The following ERBB4 variants were observed in gnomAD, a reference collection of about 807,000 sequenced individuals.
The protein encoded by ERBB4 is erb-b2 receptor tyrosine kinase 4, also known as receptor tyrosine-protein kinase erbB-4.
A neutral mutation model predicts 158.0 loss-of-function variants in ERBB4; 42 were observed. The observed-to-expected ratio is 0.27, with a 90% CI of 0.21 to 0.34. The LOEUF (loss-of-function observed/expected upper bound fraction) is 0.34, where lower values mean the gene tolerates loss of function less well. Among genes scored for constraint, ERBB4 ranks in the 10% least tolerant of loss-of-function variants. ERBB4 has a pLI of 1.00. For missense variants in ERBB4, 1,333 were observed against 1,624.1 expected (o/e 0.82, Z 3.08); for synonymous variants, 583 against 558.7 (o/e 1.04, Z -0.61).
intron 1 of ERBB4, among the ~76,000 whole-genome samples, chr2:212,328,170 G>A (rs945873291): frequency 8.6e-5 from 13 of 151,958 alleles, no homozygotes; most frequent in African/African-American, 3.1e-4. Flanking sequence ...CTTCAATCAT[G>A]TTTGGAACCT....
chr2:212,125,126 T>C (rs112373109), intron 1 of ERBB4: 10 of 545,224 alleles, frequency 1.8e-5, no homozygotes, highest in Admixed American at 1.5e-4. Flanking sequence ...AAGGCATAGA[T>C]TCCACAGAAA....
intron 2 of ERBB4, among the ~76,000 whole-genome samples, chr2:212,080,093 CACAAGGTCAAGAGATCGAGACCA>C (rs2078391085): frequency 6.6e-6 from 1 of 151,884 alleles, no homozygotes; most frequent in Non-Finnish European, 1.5e-5. Flanking sequence ...TTTGGTGGAT[CACAAGGTCAAGAGATCGAGACCA>C]ACCTGGCCAA....
intron 1 of ERBB4, among the ~76,000 whole-genome samples, chr2:212,257,683 G>A (rs545665318): frequency 1.2e-3 from 181 of 152,188 alleles, no homozygotes; most frequent in Non-Finnish European, 2.0e-3. Context: ...CTCTAAATGC[G>A]ATGTCACGTG....
intron 1 of ERBB4, among the ~76,000 whole-genome samples, chr2:212,223,429 T>TA (rs1559782962): frequency 8.0e-5 from 3 of 37,428 alleles, no homozygotes; most frequent in African/African-American, 3.6e-4. Flanking sequence ...ATATATATAT[T>TA]TTTTTTATTT....
intron 1 of ERBB4, among the ~76,000 whole-genome samples, chr2:212,391,255 A>G (rs1387373258): frequency 6.6e-6 from 1 of 151,722 alleles, no homozygotes; most frequent in Non-Finnish European, 1.5e-5. Flanking sequence ...GAACAATAAT[A>G]AGTTTTATGA....
intron 16 of ERBB4, among the ~76,000 whole-genome samples, chr2:211,643,603 A>G (rs986749669): frequency 6.6e-6 from 1 of 152,070 alleles, no homozygotes; most frequent in Non-Finnish European, 1.5e-5. Flanking sequence ...TTGCATTTTT[A>G]AAAACATAAA....
intron 1 of ERBB4, among the ~76,000 whole-genome samples, chr2:212,262,232 G>A (rs1376694967): frequency 5.9e-5 from 9 of 151,962 alleles, no homozygotes; most frequent in Non-Finnish European, 8.8e-5. Context: ...ACCTATTATC[G>A]GTTATTTTGT....
chr2:211,398,607 C>T (rs1265997824), intron 25 of ERBB4, among the ~76,000 whole-genome samples: 1 of 152,092 alleles, frequency 6.6e-6, no homozygotes, highest in Non-Finnish European at 1.5e-5. Context: ...CTTTGGGAGG[C>T]CGAGGCGGGC....
intron 20 of ERBB4, among the ~76,000 whole-genome samples, chr2:211,519,186 C>T (rs1360148632): frequency 6.6e-6 from 1 of 152,058 alleles, no homozygotes; most frequent in African/African-American, 2.4e-5. Flanking sequence ...TGAAAGAATG[C>T]TGTATAAATT....
At chr2:211,901,100 G>A (rs1243945533) in intron 3 of ERBB4, among the ~76,000 whole-genome samples, 1 of 152,078 alleles carries the variant, frequency 6.6e-6, no homozygotes, top group African/African-American at 2.4e-5. Context: ...ATTTGGACAT[G>A]TAAATAAATG....
At chr2:211,875,730 A>T (rs569757366) in intron 3 of ERBB4, among the ~76,000 whole-genome samples, 2 of 152,324 alleles carry the variant, frequency 1.3e-5, no homozygotes, top group African/African-American at 4.8e-5. Context: ...CTTATCCAGA[A>T]CAACCACCAG....
At chr2:212,483,808 C>G (rs1689835752) in intron 1 of ERBB4, among the ~76,000 whole-genome samples, 1 of 152,194 alleles carries the variant, frequency 6.6e-6, no homozygotes, top group African/African-American at 2.4e-5. Context: ...GCGATCTCAG[C>G]TCACTGCAAG....
intron 2 of ERBB4, among the ~76,000 whole-genome samples, chr2:212,077,668 G>C (rs1490401828): frequency 6.6e-6 from 1 of 151,934 alleles, no homozygotes; most frequent in Non-Finnish European, 1.5e-5. Context: ...AAGGCAAGCA[G>C]GGGACTTAAG....
chr2:212,531,995 A>G (rs1196044084), intron 1 of ERBB4, among the ~76,000 whole-genome samples: 1 of 152,234 alleles, frequency 6.6e-6, no homozygotes, highest in Non-Finnish European at 1.5e-5. Context: ...TCTTTTAGAA[A>G]GAACTACACA....
At chr2:211,676,745 A>G (rs2072091163) in intron 13 of ERBB4, among the ~76,000 whole-genome samples, 1 of 152,306 alleles carries the variant, frequency 6.6e-6, no homozygotes, top group East Asian at 1.9e-4. Context: ...TATTGCACAT[A>G]TATATTCAAT....
At chr2:212,101,929 C>T (rs897685249) in intron 2 of ERBB4, among the ~76,000 whole-genome samples, 5 of 151,578 alleles carry the variant, frequency 3.3e-5, no homozygotes, top group Non-Finnish European at 7.4e-5. Context: ...TACCTCCTTT[C>T]GGTCACCAAT....
chr2:212,098,373 C>T (rs1272911970), intron 2 of ERBB4, among the ~76,000 whole-genome samples: 1 of 152,154 alleles, frequency 6.6e-6, no homozygotes, highest in African/African-American at 2.4e-5. Flanking sequence ...GGCAGTGAGG[C>T]CAGATTTGAG....
chr2:211,930,407 A>T (rs2080141934), intron 3 of ERBB4, among the ~76,000 whole-genome samples: 1 of 152,196 alleles, frequency 6.6e-6, no homozygotes, highest in African/African-American at 2.4e-5. Flanking sequence ...AAGTAAGTCT[A>T]AACACTTGTG....
chr2:211,391,779 T>C (rs760013462), intron 25 of ERBB4, among the ~76,000 whole-genome samples: 7 of 152,332 alleles, frequency 4.6e-5, no homozygotes, highest in Middle Eastern at 3.4e-3. Context: ...ATTTGTATTA[T>C]TTAATATTGT....
Sources: allele counts gnomAD v4.1 joint callset (sites outside exome capture counted in the v4.1 genomes callset), GRCh38; gene constraint gnomAD v4.1.1; transcripts MANE v1.5; gene names NCBI Gene and HGNC (gene_info 2026-07-23, HGNC 2026-07-21).